NFATC1: variants seen among roughly 807,000 people sequenced by gnomAD.
NFATC1 encodes nuclear factor of activated T-cells, cytoplasmic 1.
NFATC1 carries 22 observed loss-of-function variants against 76.0 expected under a neutral mutation model. That is an observed-to-expected ratio of 0.29 (90% CI 0.21 to 0.41). The LOEUF is 0.41. Among genes scored for constraint, NFATC1 ranks in the 10% least tolerant of loss-of-function variants. NFATC1 has a pLI of 1.00. For synonymous variants in NFATC1, 704 were observed against 613.1 expected, an observed-to-expected ratio of 1.15 and a Z score of -2.19; for missense variants, 1,357 against 1,337.7, an observed-to-expected ratio of 1.01 and a Z score of -0.23.
At chr18:79,450,281 G>A (rs2087407994) in intron 4 of NFATC1, among the ~76,000 whole-genome samples, 1 of 152,120 alleles carries the variant, frequency 6.6e-6, no homozygotes, top group Admixed American at 6.5e-5. Context: ...CTGGAGTCTA[G>A]TTTTGAATGA....
rs117883570 is a variant in NFATC1, at chr18:79,484,328, C to A, written c.2093-1920C>A. On this transcript the variant is annotated intron_variant, in intron 8 of 9. Coordinates refer to ENST00000427363, the MANE Select transcript of NFATC1 (RefSeq NM_001278669.2). Reference sequence around the variant, plus strand: ...CTCAGCAGAGTGTGGCTTTATGGGCCCTGGTCAGTGAGCTGCAGGCTGCGT... The same window carrying A: ...CTCAGCAGAGTGTGGCTTTATGGGCACTGGTCAGTGAGCTGCAGGCTGCGT... 9.2e-3 allele frequency among the ~76,000 whole-genome samples: 1,395 copies of A among 152,180 alleles called. 7 individuals are homozygous for A. Among genetic ancestry groups the A allele is most frequent in the Middle Eastern group, 0.027 (8 of 294 alleles).
intron 8 of NFATC1, among the ~76,000 whole-genome samples, chr18:79,478,155 A>C (rs2089151375): frequency 8.0e-6 from 1 of 124,656 alleles, no homozygotes; most frequent in African/African-American, 3.0e-5. Context: ...CCTGTGCTGC[A>C]GACAGAGCCC....
rs143487246 is a variant in NFATC1 at position 79,447,116 on chromosome 18, G to T, written c.1387-1666G>T. ...GGCCTCCTCCCTGGCGGGGCTCTGA[G>T]TTCAGCCACCGGTGAGATTGGTTTG... On this transcript the variant is annotated intron_variant, in intron 3 of 9. Transcript: ENST00000427363. 4.1e-3 allele frequency among the ~76,000 whole-genome samples: 623 copies of T among 152,318 alleles called. 4 individuals carry two copies. Among genetic ancestry groups the T allele is most frequent in the African/African-American group, 0.014 (564 of 41,572 alleles).
chr18:79,486,280 T>G lies in NFATC1; in HGVS notation c.2125T>G (p.Tyr709Asp), dbSNP rs201438929. The change falls in exon 9 of 10, where the codon TAT becomes GAT. Residue 709 changes from tyrosine (Y) to aspartate (D), a missense_variant. By Grantham distance (160) the Tyr-to-Asp change is radical. Coordinates refer to ENST00000427363, the MANE Select transcript of NFATC1 (RefSeq NM_001278669.2). ...PIIKTEPTDD[Y>D]EPAPTCGPVS... The stretch of plus-strand genomic sequence containing the variant: ...TATAAAAACAGAACCCACTGATGAT[T>G]ATGAGCCTGCTCCAACCTGTGGACC... The G allele has an allele frequency of 6.8e-6, 11 of 1,612,770 alleles. No individual in the cohort carries two copies. Among genetic ancestry groups the G allele is most frequent in the Non-Finnish European group, 9.3e-6 (11 of 1,179,666 alleles).
At chr18:79,468,074 G>GAGATGAAGTTACCCCTGGA in intron 8 of NFATC1, 2 of 850,354 alleles carry the variant, frequency 2.4e-6, no homozygotes, top group Non-Finnish European at 2.8e-6. Flanking sequence ...ACTTCTCCAG[G>GAGATGAAGTTACCCCTGGA]GGTAACTTCA....
At chr18:79,429,287 G>A (rs1464823822) in intron 2 of NFATC1, among the ~76,000 whole-genome samples, 12 of 150,858 alleles carry the variant, frequency 8.0e-5, no homozygotes, top group Non-Finnish European at 1.2e-4. Context: ...CTCTGTGGGC[G>A]TCGGTCACCG....
intron 2 of NFATC1, among the ~76,000 whole-genome samples, chr18:79,412,397 A>C (rs969977535): frequency 6.6e-6 from 1 of 151,210 alleles, no homozygotes; most frequent in African/African-American, 2.4e-5. Flanking sequence ...TGCCACGCGC[A>C]GCCCGGGGTA....
At chr18:79,439,302 G>A (rs111575936) in intron 3 of NFATC1, among the ~76,000 whole-genome samples, 5 of 152,318 alleles carry the variant, frequency 3.3e-5, no homozygotes, top group African/African-American at 7.2e-5. Context: ...GGCCCCACCA[G>A]GAGCTGTGCT....
chr18:79,509,694 GCA>G lies in NFATC1; in HGVS notation c.2783-17831_2783-17830del, dbSNP rs562268176. 2.2e-3 allele frequency among the ~76,000 whole-genome samples: 342 copies of G among 152,346 alleles called. 1 individual carries two copies. The Middle Eastern group carries it at 0.044, about 20-fold the overall frequency. On this transcript the variant is annotated intron_variant, in intron 9 of 9. Coordinates refer to ENST00000427363, the MANE Select transcript of NFATC1 (RefSeq NM_001278669.2). ...TTACAGAAGGTTCTGGAAGGTGCCGGCACAGTCTGAGCTGAACACCCATGACA... is the reference window on the plus strand; with the variant it reads ...TTACAGAAGGTTCTGGAAGGTGCCGGCAGTCTGAGCTGAACACCCATGACA...
chr18:79,400,341 C>G, intron 1 of NFATC1: 3 of 1,388,480 alleles, frequency 2.2e-6, no homozygotes, highest in South Asian at 1.5e-5. Flanking sequence ...GAGAACCGAA[C>G]CCCTGGCGGC....
intron 9 of NFATC1, among the ~76,000 whole-genome samples, chr18:79,525,777 C>A (rs888534244): frequency 1.3e-5 from 2 of 152,242 alleles, no homozygotes; most frequent in South Asian, 2.1e-4. Flanking sequence ...TCCCTTCCCC[C>A]ACAGGTGGGG....
chr18:79,479,027 C>T (rs533761160), intron 8 of NFATC1, among the ~76,000 whole-genome samples: 3 of 152,338 alleles, frequency 2.0e-5, no homozygotes, highest in East Asian at 1.9e-4. Flanking sequence ...TCATGGACAA[C>T]GGGACTGCCA....
chr18:79,402,345 C>A, intron 1 of NFATC1: 1 of 985,448 alleles, frequency 1.0e-6, no homozygotes, highest in Non-Finnish European at 1.2e-6. Flanking sequence ...CATGGGGTCT[C>A]TCCTGACCCA....
At chr18:79,397,342 T>C (rs1271990231) in intron 1 of NFATC1, among the ~76,000 whole-genome samples, 3 of 152,346 alleles carry the variant, frequency 2.0e-5, no homozygotes, top group South Asian at 2.1e-4. Context: ...TGCCAACATA[T>C]GTACTTCATA....
chr18:79,397,497 G>T (rs1387893768), intron 1 of NFATC1, among the ~76,000 whole-genome samples: 1 of 152,216 alleles, frequency 6.6e-6, no homozygotes, highest in African/African-American at 2.4e-5. Flanking sequence ...CACGGAGGGG[G>T]GTCCGTGTGG....
chr18:79,477,856 G>A (rs2089136880), intron 8 of NFATC1, among the ~76,000 whole-genome samples: 1 of 152,172 alleles, frequency 6.6e-6, no homozygotes, highest in African/African-American at 2.4e-5. Context: ...GGCAGGACAG[G>A]CGATTTGTCT....
intron 9 of NFATC1, among the ~76,000 whole-genome samples, chr18:79,492,651 G>A (rs2089714604): frequency 6.6e-6 from 1 of 151,688 alleles, no homozygotes; most frequent in Non-Finnish European, 1.5e-5. Context: ...GGAGCTTGCA[G>A]AGAGCTGAGA....
chr18:79,431,783 A>G (rs551037933), intron 2 of NFATC1, among the ~76,000 whole-genome samples: 132 of 151,512 alleles, frequency 8.7e-4, no homozygotes, highest in Middle Eastern at 3.4e-3. Context: ...GCTCACTGCA[A>G]CCTCCTCCTC....
chr18:79,416,212 A>G (rs1343532493), intron 2 of NFATC1, among the ~76,000 whole-genome samples: 1 of 152,272 alleles, frequency 6.6e-6, no homozygotes, highest in East Asian at 1.9e-4. Context: ...TTCATAAGTT[A>G]TCTGAAAGTT....
Sources: gnomAD v4.1 joint callset for allele counts (sites outside exome capture counted in the v4.1 genomes callset) on GRCh38, gnomAD v4.1.1 for gene constraint, MANE v1.5 for transcripts, NCBI Gene and HGNC (gene_info 2026-07-23, HGNC 2026-07-21) for gene names.